The following HSPB6 variants were observed in gnomAD, a reference collection of about 807,000 sequenced individuals.
HSPB6 encodes the protein heat shock protein family B (small) member 6, also known as heat shock protein beta-6.
Under a neutral mutation model 10.7 loss-of-function variants are expected in HSPB6, and 8 were observed. The observed-to-expected ratio is 0.75, with a 90% CI of 0.44 to 1.35. HSPB6 has a LOEUF of 1.35. Ranked by LOEUF, HSPB6 falls within the 40% of genes most tolerant of loss-of-function variation. HSPB6 has a pLI of 0.00. For missense variants in HSPB6, 232 were observed against 236.0 expected (o/e 0.98, Z 0.11); for synonymous variants, 128 against 114.2 (o/e 1.12, Z -0.77).
In HSPB6 at chr19:35,755,659, C is replaced by T. The variant is rs1970743659; in HGVS notation, c.346G>A (p.Glu116Lys). 1 of 1,534,302 alleles carries T rather than the reference C, an allele frequency of 6.5e-7. No individual in the cohort carries two copies. Among genetic ancestry groups the T allele is most frequent in the Non-Finnish European group, 8.7e-7 (1 of 1,143,996 alleles). The change falls in exon 3 of 3, where the codon GAG becomes AAG. Residue 116 changes from glutamate to lysine, a missense_variant. Physicochemically the swap from Glu to Lys is moderately conservative, Grantham distance 56. Coordinates refer to ENST00000004982, the MANE Select transcript of HSPB6 (RefSeq NM_144617.3). ...RPDEHGFVAR[E>K]FHRRYRLPPG... ...GGCAGGCGGTAGCGACGGTGGAACT[C>T]GCGCGCGACGAATCCGTGCTCATCC...
rs571906073 is a variant in HSPB6, at chr19:35,755,058, G to T, written c.*464C>A. 26 of 309,918 alleles carry T rather than the reference G, an allele frequency of 8.4e-5. No homozygotes were observed. In the Admixed American group the frequency reaches 1.3e-3, roughly 16 times the overall value. The allele number at this position is 309,918 out of a possible 1,614,324, so 19.2% of individuals were successfully genotyped here. On this transcript the variant is annotated 3_prime_UTR_variant, in exon 3 of 3. Transcript: ENST00000004982. ...GTCTGTGCAGTCCAGGACGTTTGGG[G>T]GGTGGGGGGATTGTGCCTGACTGGC...
chr19:35,755,772 C>T lies in HSPB6; in HGVS notation c.321G>A (p.Pro107=), dbSNP rs1047502638. 5 of 1,580,616 alleles carry T rather than the reference C, an allele frequency of 3.2e-6. No individual in the cohort carries two copies. The highest frequency in any genetic ancestry group is 4.7e-5 in the East Asian group (2 of 42,580). Reference sequence around the variant, plus strand: ...AGCCCCGCCCCACGCCGCGGCTCACCGGGCGCTCCTCGTGGCGCGCGTGCA... The same window carrying T: ...AGCCCCGCCCCACGCCGCGGCTCACTGGGCGCTCCTCGTGGCGCGCGTGCA... ...VEVHARHEER[P]DEHGFVAREF... is the part of the protein sequence containing the mutation. Residue 107 remains proline (P), a splice_region_variant and synonymous_variant, in exon 2 of 3, where the codon CCG becomes CCA. Transcript: ENST00000004982.
chr19:35,755,895 C>G lies in HSPB6; in HGVS notation c.199-1G>C, dbSNP rs1367494329. Reference sequence around the variant, plus strand: ...AAAAGTGGCCGGGGTCCGTCGGCACCTGAGCGCAGCGGGCGCGGGCGGGAC... The same window carrying G: ...AAAAGTGGCCGGGGTCCGTCGGCACGTGAGCGCAGCGGGCGCGGGCGGGAC... On this transcript the variant is annotated splice_acceptor_variant, in intron 1 of 2. Transcript: ENST00000004982. LOFTEE classifies it high-confidence loss of function. 6.4e-7 allele frequency: 1 copy of G among 1,561,450 alleles called. No homozygotes were observed. Among genetic ancestry groups the G allele is most frequent in the Non-Finnish European group, 8.7e-7 (1 of 1,154,408 alleles).
intron 2 of HSPB6, 29 bp from the exon 3 acceptor site, chr19:35,755,712 C>A (rs1292137775): frequency 6.6e-7 from 1 of 1,524,724 alleles, no homozygotes; most frequent in African/African-American, 1.4e-5. Context: ...TGAGCGGCCC[C>A]GCCCCTCCGG....
At chr19:35,756,439 C>T (rs1970757661) in intron 1 of HSPB6, among the ~76,000 whole-genome samples, 1 of 152,230 alleles carries the variant, frequency 6.6e-6, no homozygotes, top group Non-Finnish European at 1.5e-5. Context: ...CGCACACAGT[C>T]TCTCAACTCT....
rs906632007 is a variant in HSPB6, at chr19:35,755,533, C to T, written c.472G>A (p.Ala158Thr). 7.7e-5 allele frequency: 115 copies of T among 1,499,454 alleles called. No homozygotes were observed. Among genetic ancestry groups the T allele is most frequent in the Non-Finnish European group, 9.7e-5 (109 of 1,129,250 alleles). The allele number at this position is 1,499,454 out of a possible 1,614,324, so 92.9% of individuals were successfully genotyped here. The part of the protein sequence containing the change: ...PASAQAPPPA[A>T]AK ...GGCCCAGCCCCCTCCTACTTGGCTG[C>T]GGCTGGCGGTGGGGCCTGGGCCGAC... is the stretch of plus-strand genomic sequence containing the variant. The change falls in exon 3 of 3, where the codon GCA becomes ACA. Residue 158 changes from alanine to threonine, a missense_variant. By Grantham distance (58) the Ala-to-Thr change is moderately conservative. Transcript: ENST00000004982.
rs1970730332 is a variant in HSPB6, at chr19:35,754,643, T to G, written c.*879A>C. 1 of 680,654 alleles carries G rather than the reference T, an allele frequency of 1.5e-6. No homozygotes were observed. The highest frequency in any genetic ancestry group is 1.8e-5 in the African/African-American group (1 of 56,348). The allele number at this position is 680,654 out of a possible 1,614,324, so 42.2% of individuals were successfully genotyped here. On this transcript the variant is annotated 3_prime_UTR_variant, in exon 3 of 3. Transcript: ENST00000004982. Reference sequence around the variant, plus strand: ...GGAGTGGTGGCAGGGAGAAAGGCTGTGGGGAATCAGAGCGGGTGCTCAGTT... The same window carrying G: ...GGAGTGGTGGCAGGGAGAAAGGCTGGGGGGAATCAGAGCGGGTGCTCAGTT...
Position 35,756,802 on chromosome 19 carries a change from G to A in HSPB6, c.198+9C>T, listed in dbSNP as rs750670441. ...AGTGGTCGAGTTCACCCCTCCCCAG[G>A]CCTGGCACCTGGGCGACGGGCAGCG... On this transcript the variant is annotated intron_variant, in intron 1 of 2. Coordinates refer to ENST00000004982, the MANE Select transcript of HSPB6 (RefSeq NM_144617.3). 3.3e-5 allele frequency: 51 copies of A among 1,535,044 alleles called. No individual in the cohort carries two copies. In the South Asian group the frequency reaches 6.1e-4, roughly 18 times the overall value.
Position 35,755,508 on chromosome 19 carries a change from G to C in HSPB6, c.*14C>G, listed in dbSNP as rs2146529989. 1 of 1,508,492 alleles carries C rather than the reference G, an allele frequency of 6.6e-7. No homozygotes were observed. Among genetic ancestry groups the C allele is most frequent in the Non-Finnish European group, 8.8e-7 (1 of 1,135,088 alleles). 93.4% of individuals were successfully genotyped at this position (1,508,492 alleles called of 1,614,324 possible). A position where few individuals can be genotyped will look rare whatever the true frequency, so the allele number is the denominator to read the frequency against. On this transcript the variant is annotated 3_prime_UTR_variant, in exon 3 of 3. Coordinates refer to ENST00000004982, the MANE Select transcript of HSPB6 (RefSeq NM_144617.3). ...GAGGAGGCTCCCGGGGTGCGGGCGCGGCCCAGCCCCCTCCTACTTGGCTGC... is the reference window on the plus strand; with the variant it reads ...GAGGAGGCTCCCGGGGTGCGGGCGCCGCCCAGCCCCCTCCTACTTGGCTGC...
At position 35,755,765 on chromosome 19, in the gene HSPB6, G is replaced by T. The variant is rs1479845551; in HGVS notation, c.321+7C>A. On this transcript the variant is annotated splice_region_variant and intron_variant, in intron 2 of 2. Coordinates refer to ENST00000004982, the MANE Select transcript of HSPB6 (RefSeq NM_144617.3). ...CCGCTCCAGCCCCGCCCCACGCCGC[G>T]GCTCACCGGGCGCTCCTCGTGGCGC... 7 of 1,573,368 alleles carry T rather than the reference G, an allele frequency of 4.4e-6. No homozygotes were observed. The African/African-American group carries it at 9.6e-5, about 22-fold the overall frequency.
In HSPB6 at chr19:35,755,549, C is replaced by T. The variant is rs1047065251; in HGVS notation, c.456G>A (p.Gln152=). The T allele has an allele frequency of 5.3e-6, 8 of 1,519,240 alleles. No homozygotes were observed. The African/African-American group carries it at 1.1e-4, about 21-fold the overall frequency. 94.1% of individuals were successfully genotyped at this position (1,519,240 alleles called of 1,614,324 possible). ...LSIQAAPASA[Q]APPPAAAK ...ACTTGGCTGCGGCTGGCGGTGGGGC[C>T]TGGGCCGACGCTGGTGCGGCCTGGA... The change falls in exon 3 of 3, where the codon CAG becomes CAA. Residue 152 remains glutamine, a synonymous_variant. Transcript: ENST00000004982.
rs1333701857 is a variant in HSPB6, at chr19:35,755,672, T to A, written c.333A>T (p.Gly111=). Residue 111 remains glycine (G), a synonymous_variant, in exon 3 of 3, where the codon GGA becomes GGT. Transcript: ENST00000004982. ...GACGGTGGAACTCGCGCGCGACGAA[T>A]CCGTGCTCATCCTGGAGGGGAGGGA... ...ARHEERPDEH[G]FVAREFHRRY... 6 of 1,534,654 alleles carry A rather than the reference T, an allele frequency of 3.9e-6. No individual in the cohort carries two copies. Among genetic ancestry groups the A allele is most frequent in the Non-Finnish European group, 4.4e-6 (5 of 1,143,340 alleles).
intron 1 of HSPB6, among the ~76,000 whole-genome samples, 171 bp downstream of exon 1, chr19:35,756,640 C>T (rs1970763154): frequency 6.6e-6 from 1 of 152,194 alleles, no homozygotes; most frequent in Admixed American, 6.5e-5. Flanking sequence ...ACCTCCCACC[C>T]GCTGCAGTGT....
Position 35,754,731 on chromosome 19 carries a change from C to G in HSPB6, c.*791G>C. ...GTTGCCGAGGATATCTGGTTGAAGA[C>G]TTGGGGGTCAAGACAAAGGGACTTA... On this transcript the variant is annotated 3_prime_UTR_variant, in exon 3 of 3. Coordinates refer to ENST00000004982, the MANE Select transcript of HSPB6 (RefSeq NM_144617.3). The G allele has an allele frequency of 1.8e-6, 1 of 547,922 alleles. No individual in the cohort carries two copies. The highest frequency in any genetic ancestry group is 2.0e-5 in the African/African-American group (1 of 51,118). 33.9% of individuals were successfully genotyped at this position (547,922 alleles called of 1,614,324 possible).
intron 1 of HSPB6, 102 bp downstream of exon 1, chr19:35,756,709 C>T: frequency 1.6e-6 from 2 of 1,264,244 alleles, no homozygotes; most frequent in African/African-American, 1.5e-5. Flanking sequence ...CTCTCCACCC[C>T]GCCCAAGGCC....
rs1970733782 is a variant in HSPB6, at chr19:35,754,897, A to C, written c.*625T>G. 1 of 306,960 alleles carries C rather than the reference A, an allele frequency of 3.3e-6. No homozygotes were observed. Among genetic ancestry groups the C allele is most frequent in the Non-Finnish European group, 6.3e-6 (1 of 158,554 alleles). The allele number at this position is 306,960 out of a possible 1,614,324, so 19.0% of individuals were successfully genotyped here. On this transcript the variant is annotated 3_prime_UTR_variant, in exon 3 of 3. Transcript: ENST00000004982. ...GTGTCCAAGAGTTGGGGCAGTCGAA[A>C]AAGGGTTCCAGAGTCTGGTGTGGCT...
intron 1 of HSPB6, among the ~76,000 whole-genome samples, chr19:35,756,429 C>G (rs1419909082): frequency 6.6e-6 from 1 of 152,210 alleles, no homozygotes; most frequent in Admixed American, 6.5e-5. Context: ...ATCGGGCCAC[C>G]GCACACAGTC....
In HSPB6 at chr19:35,755,321, G is replaced by C. The variant is rs951611601; in HGVS notation, c.*201C>G. 1 of 698,454 alleles carries C rather than the reference G, an allele frequency of 1.4e-6. No individual in the cohort carries two copies. The highest frequency in any genetic ancestry group is 1.5e-5 in the South Asian group (1 of 65,248). 43.3% of individuals were successfully genotyped at this position (698,454 alleles called of 1,614,324 possible). A position where few individuals can be genotyped will look rare whatever the true frequency, so the allele number is the denominator to read the frequency against. On this transcript the variant is annotated 3_prime_UTR_variant, in exon 3 of 3. Transcript: ENST00000004982. Reference sequence around the variant, plus strand: ...GTCGGTGTGGGGTCGGAAAGCTGGAGGGGGTGTGAGAGCGAGGGTGTCAGT... The same window carrying C: ...GTCGGTGTGGGGTCGGAAAGCTGGACGGGGTGTGAGAGCGAGGGTGTCAGT...
In HSPB6 at chr19:35,754,803, G is replaced by GA; in HGVS notation, c.*718_*719insT. 1 of 432,894 alleles carries GA rather than the reference G, an allele frequency of 2.3e-6. No homozygotes were observed. Among genetic ancestry groups the GA allele is most frequent in the South Asian group, 2.2e-5 (1 of 44,798 alleles). The allele number at this position is 432,894 out of a possible 1,614,324, so 26.8% of individuals were successfully genotyped here. On this transcript the variant is annotated 3_prime_UTR_variant, in exon 3 of 3. Transcript: ENST00000004982. ...GTTGGGGAGGGGGCCTAGGACATCC[G>GA]TGCAGAGTCTGGGGAGGTTGGGGTG... is the stretch of plus-strand genomic sequence containing the variant.
Sources: gnomAD v4.1 joint callset for allele counts (sites outside exome capture counted in the v4.1 genomes callset) on GRCh38, gnomAD v4.1.1 for gene constraint, MANE v1.5 for transcripts, NCBI Gene and HGNC (gene_info 2026-07-23, HGNC 2026-07-21) for gene names.